ABCC11: variants seen among roughly 807,000 people sequenced by gnomAD.
The protein encoded by ABCC11 is ATP-binding cassette sub-family C member 11.
A neutral mutation model predicts 149.3 loss-of-function variants in ABCC11; 135 were observed. The ratio of observed to expected loss-of-function variants is 0.90; its 90% CI spans 0.79 to 1.04. The LOEUF (loss-of-function observed/expected upper bound fraction) is 1.04. Among genes scored for constraint, ABCC11 ranks in the 50% least tolerant of loss-of-function variants. ABCC11 has a pLI of 0.00. For missense variants in ABCC11, 1,680 were observed against 1,722.1 expected, an observed-to-expected ratio of 0.98 and a Z score of 0.43; for synonymous variants, 665 against 671.4, an observed-to-expected ratio of 0.99 and a Z score of 0.15.
At chr16:48,192,023 C>A (rs1373048052) in intron 20 of ABCC11, among the ~76,000 whole-genome samples, 1 of 152,054 alleles carries the variant, frequency 6.6e-6, no homozygotes, top group Non-Finnish European at 1.5e-5. Flanking sequence ...TGGCTCACAC[C>A]TGTAATTCTA....
intron 23 of ABCC11, among the ~76,000 whole-genome samples, chr16:48,179,504 G>A (rs1966295884): frequency 6.6e-6 from 1 of 152,222 alleles, no homozygotes; most frequent in South Asian, 2.1e-4. Flanking sequence ...AGGGGGTGCT[G>A]GGTAACACAT....
chr16:48,203,278 A>G lies in ABCC11; in HGVS notation c.1828T>C (p.Cys610Arg), dbSNP rs913559629. The G allele has an allele frequency of 6.3e-7, 1 of 1,582,990 alleles. No individual in the cohort carries two copies. The highest frequency in any genetic ancestry group is 1.3e-5 in the African/African-American group (1 of 74,562). ...AGTTCCAGGTCCCGATTCAGGGAGCAGCAGTGGAGCACCTGGAGGTATCTG... is the reference window on the plus strand; with the variant it reads ...AGTTCCAGGTCCCGATTCAGGGAGCGGCAGTGGAGCACCTGGAGGTATCTG... ...KARYLQVLHC[C>R]SLNRDLELLP... Residue 610 changes from cysteine to arginine, a missense_variant, in exon 14 of 30, where the codon TGC (cysteine) becomes CGC (arginine). Coordinates refer to ENST00000356608, the MANE Select transcript of ABCC11 (RefSeq NM_001370497.1).
rs868569542 is a variant in ABCC11 at position 48,193,082 on chromosome 16, C to T, written c.2509-365G>A. Among the ~76,000 whole-genome samples the T allele has an allele frequency of 1.0e-3, 156 of 152,160 alleles. 2 individuals are homozygous for T. Among genetic ancestry groups the T allele is most frequent in the African/African-American group, 3.3e-3 (138 of 41,432 alleles). On this transcript the variant is annotated intron_variant, in intron 19 of 29. Coordinates refer to ENST00000356608, the MANE Select transcript of ABCC11 (RefSeq NM_001370497.1). ...AAACAGAAAGGTGGAAGAGGAGAAGCCAGCATGCTCAGTGGCAACTGTGGG... is the reference window on the plus strand; with the variant it reads ...AAACAGAAAGGTGGAAGAGGAGAAGTCAGCATGCTCAGTGGCAACTGTGGG...
intron 22 of ABCC11, 52 bp from the exon 23 acceptor site, chr16:48,184,678 T>A: frequency 6.4e-7 from 1 of 1,562,822 alleles, no homozygotes; most frequent in Non-Finnish European, 8.7e-7. Flanking sequence ...ACCTAGGGTC[T>A]CCCCGGGTCA....
intron 4 of ABCC11, among the ~76,000 whole-genome samples, chr16:48,225,935 T>C (rs1290757467): frequency 6.6e-6 from 1 of 152,102 alleles, no homozygotes; most frequent in Non-Finnish European, 1.5e-5. Context: ...AGTAACGAAA[T>C]TAAAAAGAGA....
chr16:48,206,174 TC>T (rs1425039259), intron 12 of ABCC11, among the ~76,000 whole-genome samples: 2 of 152,158 alleles, frequency 1.3e-5, no homozygotes, highest in African/African-American at 4.8e-5. Flanking sequence ...CACCAAAAGT[TC>T]CAGGCTATCT....
At chr16:48,210,714 A>G (rs1968846150) in intron 11 of ABCC11, 1 of 568,562 alleles carries the variant, frequency 1.8e-6, no homozygotes, top group South Asian at 2.4e-5. Context: ...CAGTACTCTC[A>G]TATTATTTTG....
chr16:48,198,910 G>T (rs1255731738), intron 15 of ABCC11, among the ~76,000 whole-genome samples: 2 of 151,866 alleles, frequency 1.3e-5, no homozygotes, highest in Admixed American at 1.3e-4. Context: ...GGTGGCGTGT[G>T]CCTGTAGTCC....
At position 48,196,301 on chromosome 16, in the gene ABCC11, G is replaced by A. The variant is rs2150801867; in HGVS notation, c.2335C>T (p.Gln779Ter). ...GNAVPEHQLTQEEEMEEGSLS... is the reference protein window; with the variant it reads ...GNAVPEHQLT ...GAGCCTTCTTCCATCTCCTCCTCCT[G>A]TGTGAGCTGATGCTCCGGCACTGGG... Residue 779 changes from glutamine (Q) to a stop codon, truncating the protein, a stop_gained, in exon 18 of 30, where the codon CAG becomes TAG. Transcript: ENST00000356608. LOFTEE classifies it high-confidence loss of function. 3.7e-6 allele frequency: 6 copies of A among 1,614,078 alleles called. No homozygotes were observed. Among genetic ancestry groups the A allele is most frequent in the Non-Finnish European group, 5.1e-6 (6 of 1,179,974 alleles).
At position 48,166,576 on chromosome 16, in the gene ABCC11, C is replaced by T. The variant is rs1035622419; in HGVS notation, c.*698G>A. On this transcript the variant is annotated 3_prime_UTR_variant, in exon 30 of 30. Transcript: ENST00000356608. ...TTGCAACTGAATAAGTACTAGCTAA[C>T]GTAAAAAGCAGAATGAAGATGGCTG... is the stretch of plus-strand genomic sequence containing the variant. 1.3e-5 allele frequency among the ~76,000 whole-genome samples: 2 copies of T among 152,016 alleles called. No individual in the cohort carries two copies. Among genetic ancestry groups the T allele is most frequent in the Non-Finnish European group, 2.9e-5 (2 of 68,016 alleles).
At chr16:48,195,854 G>A (rs1967353535) in intron 18 of ABCC11, among the ~76,000 whole-genome samples, 1 of 152,140 alleles carries the variant, frequency 6.6e-6, no homozygotes, top group Admixed American at 6.5e-5. Flanking sequence ...AGAGCCCAGA[G>A]TTTGAAAAAC....
chr16:48,187,663 G>A (rs1003920504), intron 20 of ABCC11, among the ~76,000 whole-genome samples: 3 of 152,300 alleles, frequency 2.0e-5, no homozygotes, highest in East Asian at 1.9e-4. Context: ...CAAGGTCCTC[G>A]TTAGCGAAAT....
rs1968843879 is a variant in ABCC11 at position 48,210,684 on chromosome 16, T to C, written c.1608+264A>G. The C allele has an allele frequency of 6.4e-6, 3 of 468,038 alleles. No homozygotes were observed. In the South Asian group the frequency reaches 1.1e-4, roughly 18 times the overall value. 29.0% of individuals were successfully genotyped at this position (468,038 alleles called of 1,614,324 possible). Reference sequence around the variant, plus strand: ...TCCCTTCTCCTTTCTGTGTCCTTAGTTCTTCCAAGGACAAGCACACAGTAC... The same window carrying C: ...TCCCTTCTCCTTTCTGTGTCCTTAGCTCTTCCAAGGACAAGCACACAGTAC... On this transcript the variant is annotated intron_variant, in intron 11 of 29. Transcript: ENST00000356608.
chr16:48,195,600 C>A (rs1967329744), intron 18 of ABCC11, among the ~76,000 whole-genome samples: 1 of 152,190 alleles, frequency 6.6e-6, no homozygotes, highest in South Asian at 2.1e-4. Flanking sequence ...TTTGTGTTTA[C>A]AACATTGTAC....
chr16:48,243,024 C>T (rs191381717), intron 1 of ABCC11, among the ~76,000 whole-genome samples: 13 of 150,700 alleles, frequency 8.6e-5, no homozygotes, highest in Non-Finnish European at 1.3e-4. Context: ...ACGTTGTGCA[C>T]ATGTACCCTA....
chr16:48,193,779 C>T (rs1042616253), intron 19 of ABCC11, 100 bp downstream of exon 19: 2 of 985,940 alleles, frequency 2.0e-6, no homozygotes, highest in Non-Finnish European at 3.0e-6. Context: ...TCATGTGGGT[C>T]CCAAGCCATG....
chr16:48,195,496 C>T (rs1180360370), intron 18 of ABCC11, among the ~76,000 whole-genome samples: 2 of 152,110 alleles, frequency 1.3e-5, no homozygotes, highest in Admixed American at 6.6e-5. Context: ...GGGTCAGCTT[C>T]CAATGTAAAC....
intron 12 of ABCC11, among the ~76,000 whole-genome samples, chr16:48,207,817 G>A (rs999704654): frequency 6.6e-6 from 1 of 152,068 alleles, no homozygotes; most frequent in Non-Finnish European, 1.5e-5. Context: ...GGAATGGGGG[G>A]TTCAAATCTC....
chr16:48,212,024 T>G (rs1407684619), intron 10 of ABCC11, among the ~76,000 whole-genome samples: 2 of 152,140 alleles, frequency 1.3e-5, no homozygotes, highest in African/African-American at 2.4e-5. Flanking sequence ...CTCTGCCCCC[T>G]CCACAGGTGA....
Sources: gnomAD v4.1 joint callset for allele counts (sites outside exome capture counted in the v4.1 genomes callset) on GRCh38, gnomAD v4.1.1 for gene constraint, MANE v1.5 for transcripts, NCBI Gene and HGNC (gene_info 2026-07-23, HGNC 2026-07-21) for gene names.